The following SERPINE3 variants were observed in gnomAD, a reference collection of about 807,000 sequenced individuals.
SERPINE3 encodes the protein serpin family E member 3.
SERPINE3 carries 43 observed loss-of-function variants against 41.7 expected under a neutral mutation model. The observed-to-expected ratio is 1.03, with a 90% CI of 0.81 to 1.33. SERPINE3 has a LOEUF of 1.33. SERPINE3 is among the 40% of genes most tolerant of loss of function. The pLI, the probability that SERPINE3 is intolerant of heterozygous loss-of-function variation, is 0.00. For synonymous variants in SERPINE3, 200 were observed against 192.2 expected, an observed-to-expected ratio of 1.04 and a Z score of -0.34; for missense variants, 440 against 491.7, an observed-to-expected ratio of 0.89 and a Z score of 0.99.
intron 7 of SERPINE3, among the ~76,000 whole-genome samples, chr13:51,359,045 G>A (rs1955522117): frequency 6.6e-6 from 1 of 152,036 alleles, no homozygotes; most frequent in Non-Finnish European, 1.5e-5. Context: ...AAACTGTTTA[G>A]CATCTCCCAC....
chr13:51,344,143 C>T, intron 3 of SERPINE3, 109 bp from the exon 4 acceptor site: 2 of 763,774 alleles, frequency 2.6e-6, no homozygotes, highest in Non-Finnish European at 4.5e-6. Flanking sequence ...ACCTTATGAG[C>T]AAGAGTGGAG....
chr13:51,345,507 A>C (rs1955337307), intron 4 of SERPINE3, among the ~76,000 whole-genome samples: 1 of 149,396 alleles, frequency 6.7e-6, no homozygotes, highest in Non-Finnish European at 1.5e-5. Context: ...AGGCAGGAGA[A>C]TCGCTTGAAC....
chr13:51,358,591 G>C (rs543765465), intron 7 of SERPINE3, among the ~76,000 whole-genome samples: 11 of 152,242 alleles, frequency 7.2e-5, no homozygotes, highest in African/African-American at 2.4e-4. Flanking sequence ...ATAGTGGTAA[G>C]GGGTGTCTAT....
chr13:51,342,178 C>CAAAAAAAAAA (rs869298134), intron 3 of SERPINE3, among the ~76,000 whole-genome samples: 7 of 63,570 alleles, frequency 1.1e-4, no homozygotes, highest in South Asian at 6.4e-4. Context: ...AAAGACAGAA[C>CAAAAAAAAAA]AAAAAAAAAA....
At chr13:51,364,194 A>C in intron 9 of SERPINE3, 45 bp from the exon 10 acceptor site, 1 of 923,812 alleles carries the variant, frequency 1.1e-6, no homozygotes, top group Non-Finnish European at 1.6e-6. Flanking sequence ...AAAGAACTGC[A>C]TATGAAAATA....
chr13:51,352,401 AAC>A (rs1458778331), intron 6 of SERPINE3, among the ~76,000 whole-genome samples: 1 of 151,684 alleles, frequency 6.6e-6, no homozygotes, highest in Non-Finnish European at 1.5e-5. Flanking sequence ...AGCGTATACA[AAC>A]ACAATTGATT....
At chr13:51,358,716 T>C (rs986009501) in intron 7 of SERPINE3, among the ~76,000 whole-genome samples, 1 of 152,054 alleles carries the variant, frequency 6.6e-6, no homozygotes, top group African/African-American at 2.4e-5. Flanking sequence ...TAGGAGCTAA[T>C]AGTCTAAAAA....
At position 51,348,256 on chromosome 13, in the gene SERPINE3, G is replaced by A; in HGVS notation, c.744G>A (p.Glu248=). 1 of 1,606,460 alleles carries A rather than the reference G, an allele frequency of 6.2e-7. No homozygotes were observed. Among genetic ancestry groups the A allele is most frequent in the Non-Finnish European group, 8.5e-7 (1 of 1,176,494 alleles). Residue 248 remains glutamate (E), a synonymous_variant, in exon 6 of 10, where the codon GAG becomes GAA. Coordinates refer to ENST00000681248, the MANE Select transcript of SERPINE3 (RefSeq NM_001386375.1). Reference sequence around the variant, plus strand: ...CAGGCCATCAGGTGGGGGTGCTGGAGCTTCCTTACCTGGGAAGTGCAGTGA... The same window carrying A: ...CAGGCCATCAGGTGGGGGTGCTGGAACTTCCTTACCTGGGAAGTGCAGTGA... ...DTAGHQVGVL[E]LPYLGSAVSL...
intron 2 of SERPINE3, 87 bp from the exon 3 acceptor site, chr13:51,340,988 G>A: frequency 2.9e-6 from 4 of 1,372,178 alleles, no homozygotes; most frequent in Non-Finnish European, 4.0e-6. Context: ...TAAAAACAGA[G>A]CTGGGGGTCC....
At chr13:51,359,799 G>T (rs548855522) in intron 7 of SERPINE3, among the ~76,000 whole-genome samples, 1 of 152,148 alleles carries the variant, frequency 6.6e-6, no homozygotes, top group African/African-American at 2.4e-5. Context: ...AAAGCTCTTT[G>T]TAACTTTGGC....
chr13:51,364,187 G>A, intron 9 of SERPINE3, 52 bp from the exon 10 acceptor site: 2 of 861,856 alleles, frequency 2.3e-6, no homozygotes, highest in Non-Finnish European at 3.5e-6. Flanking sequence ...AAAGCTTAAA[G>A]AACTGCATAT....
Position 51,347,028 on chromosome 13 carries a change from G to A in SERPINE3, c.494G>A (p.Gly165Glu). 6.3e-7 allele frequency: 1 copy of A among 1,575,916 alleles called. No individual in the cohort carries two copies. Among genetic ancestry groups the A allele is most frequent in the Non-Finnish European group, 8.6e-7 (1 of 1,160,074 alleles). Residue 165 changes from glycine to glutamate, a missense_variant, in exon 5 of 10, where the codon GGG (glycine) becomes GAG (glutamate). Transcript: ENST00000681248. ...SEGASRETAG[G>E]GPSEGPGGWP... ...CACCTTGCTTTCCTGCTTGCAGGTGGGGGCCCCAGTGAGGGCCCTGGTGGC... is the reference window on the plus strand; with the variant it reads ...CACCTTGCTTTCCTGCTTGCAGGTGAGGGCCCCAGTGAGGGCCCTGGTGGC...
At chr13:51,346,853 A>G (rs1444614912) in intron 4 of SERPINE3, among the ~76,000 whole-genome samples, 172 bp from the exon 5 acceptor site, 1 of 152,248 alleles carries the variant, frequency 6.6e-6, no homozygotes, top group Non-Finnish European at 1.5e-5. Flanking sequence ...AGGGAATTAA[A>G]TATTCTTAAG....
intron 9 of SERPINE3, chr13:51,362,146 T>C (rs1955591222): frequency 8.9e-7 from 1 of 1,127,444 alleles, no homozygotes; most frequent in Non-Finnish European, 1.2e-6. Flanking sequence ...GATTTTTTTT[T>C]TTAATGCTAT....
chr13:51,344,233 C>T lies in SERPINE3; in HGVS notation c.257-19C>T, dbSNP rs772124649. 4 of 1,598,252 alleles carry T rather than the reference C, an allele frequency of 2.5e-6. No individual in the cohort carries two copies. The South Asian group carries it at 3.3e-5, about 13-fold the overall frequency. On this transcript the variant is annotated intron_variant, in intron 3 of 9. Coordinates refer to ENST00000681248, the MANE Select transcript of SERPINE3 (RefSeq NM_001386375.1). Reference sequence around the variant, plus strand: ...CTCACACTCACCATTGTCAACTTATCCCAACTTGTTTTTCACAGACAAAAG... The same window carrying T: ...CTCACACTCACCATTGTCAACTTATTCCAACTTGTTTTTCACAGACAAAAG...
chr13:51,354,573 T>G (rs756180712), intron 6 of SERPINE3, among the ~76,000 whole-genome samples: 19 of 147,406 alleles, frequency 1.3e-4, no homozygotes, highest in African/African-American at 4.5e-4. Context: ...CCGGGCAACA[T>G]AGGGAGACCC....
intron 1 of SERPINE3, among the ~76,000 whole-genome samples, 165 bp downstream of exon 1, chr13:51,339,908 G>GAC (rs148600846): frequency 0.01 from 1,545 of 151,136 alleles, 23 homozygotes; most frequent in African/African-American, 0.034. Context: ...CCTGGGCTGG[G>GAC]ACACACACAC....
At chr13:51,362,371 G>A (rs1399248636) in intron 9 of SERPINE3, 2 of 170,040 alleles carry the variant, frequency 1.2e-5, no homozygotes, top group Non-Finnish European at 2.5e-5. Context: ...AAAATCAAAT[G>A]TTTGCCCTAG....
In SERPINE3 at chr13:51,348,340, C is replaced by A; in HGVS notation, c.828C>A (p.His276Gln). ...KDTPLSHIEP[H>Q]LTASTIHLWT... is the part of the protein sequence containing the mutation. ...CCCCCCTGAGCCACATCGAGCCACA[C>A]CTCACAGCCAGCACCATCCACCTCT... The change falls in exon 6 of 10, where the codon CAC becomes CAA. Residue 276 changes from histidine (H) to glutamine (Q), a missense_variant. By Grantham distance (24) the His-to-Gln change is conservative. Transcript: ENST00000681248. The A allele has an allele frequency of 6.2e-7, 1 of 1,613,956 alleles. No homozygotes were observed. The highest frequency in any genetic ancestry group is 8.5e-7 in the Non-Finnish European group (1 of 1,179,876).
Sources: allele counts gnomAD v4.1 joint callset (sites outside exome capture counted in the v4.1 genomes callset), GRCh38; gene constraint gnomAD v4.1.1; transcripts MANE v1.5; gene names NCBI Gene and HGNC (gene_info 2026-07-23, HGNC 2026-07-21).